The following PDE1A variants were observed in gnomAD, a reference collection of about 807,000 sequenced individuals.
PDE1A encodes phosphodiesterase 1A.
In PDE1A, 35 loss-of-function variants were observed where a neutral mutation model predicts 61.7. That is an observed-to-expected ratio of 0.57 (90% CI 0.43 to 0.75). PDE1A has a LOEUF of 0.75. Ranked by LOEUF, PDE1A falls within the 30% of genes least tolerant of loss-of-function variation. The pLI, the probability that PDE1A is intolerant of heterozygous loss-of-function variation, is 0.00. For missense variants in PDE1A, 597 were observed against 630.6 expected, an observed-to-expected ratio of 0.95 and a Z score of 0.57; for synonymous variants, 232 against 213.2, an observed-to-expected ratio of 1.09 and a Z score of -0.77.
At chr2:182,333,707 G>A (rs1276401160) in intron 1 of PDE1A, among the ~76,000 whole-genome samples, 15 of 152,080 alleles carry the variant, frequency 9.9e-5, no homozygotes, top group Non-Finnish European at 7.3e-5. Flanking sequence ...AAAGCTAGCA[G>A]AAGACAAGAA....
At chr2:182,417,592 G>T (rs563311783) in intron 1 of PDE1A, among the ~76,000 whole-genome samples, 1 of 152,184 alleles carries the variant, frequency 6.6e-6, no homozygotes, top group African/African-American at 2.4e-5. Flanking sequence ...TTCATATTCA[G>T]AAGTCCACTG....
chr2:182,333,175 A>C (rs767027329), intron 1 of PDE1A, among the ~76,000 whole-genome samples: 34 of 152,178 alleles, frequency 2.2e-4, no homozygotes, highest in Non-Finnish European at 4.4e-4. Flanking sequence ...GATCAACGAG[A>C]CAGAAAATTA....
chr2:182,155,718 C>T (rs923619403), intron 13 of PDE1A, among the ~76,000 whole-genome samples: 1 of 152,096 alleles, frequency 6.6e-6, no homozygotes, highest in African/African-American at 2.4e-5. Context: ...GGAGAAACCC[C>T]GTCTCTACTA....
At chr2:182,402,263 G>T (rs1574562721) in intron 1 of PDE1A, among the ~76,000 whole-genome samples, 2 of 152,144 alleles carry the variant, frequency 1.3e-5, no homozygotes, top group Non-Finnish European at 2.9e-5. Flanking sequence ...TATGCTACCT[G>T]ACTTCAAACT....
At chr2:182,209,434 G>C (rs1687393027) in intron 7 of PDE1A, among the ~76,000 whole-genome samples, 1 of 151,848 alleles carries the variant, frequency 6.6e-6, no homozygotes, top group Admixed American at 6.6e-5. Flanking sequence ...TTGGATGAGA[G>C]ACACAGAGCC....
At chr2:182,527,422 G>T (rs1381923061), upstream of PDE1A, among the ~76,000 whole-genome samples, 1 of 134,398 alleles carries the variant, frequency 7.4e-6, no homozygotes, top group African/African-American at 2.8e-5. Context: ...GCCAGGCATG[G>T]TAGTGTGTGC....
intron 1 of PDE1A, among the ~76,000 whole-genome samples, chr2:182,383,651 T>A (rs1700863263): frequency 6.6e-6 from 1 of 151,816 alleles, no homozygotes; most frequent in African/African-American, 2.4e-5. Flanking sequence ...AACAAAAACA[T>A]CAATTTGGAA....
the PDE1A span, among the ~76,000 whole-genome samples, chr2:182,541,932 T>G: frequency 1.3e-5 from 2 of 152,176 alleles, no homozygotes; most frequent in Non-Finnish European, 2.9e-5. Context: ...CAGGAAAGAC[T>G]GGCTTAAGGA....
the PDE1A span, among the ~76,000 whole-genome samples, chr2:182,618,273 G>A: frequency 0.4 from 60,684 of 152,008 alleles, 13,582 homozygotes; most frequent in East Asian, 0.58. Flanking sequence ...ATAAATTTTC[G>A]ATTTGGCCAA....
chr2:182,445,772 T>G (rs934473212), intron 2 of PDE1A, among the ~76,000 whole-genome samples: 8 of 152,130 alleles, frequency 5.3e-5, no homozygotes, highest in Non-Finnish European at 1.0e-4. Context: ...TATTGAAGCT[T>G]AAAAATACTT....
At chr2:182,319,684 C>T (rs929877336) in intron 1 of PDE1A, among the ~76,000 whole-genome samples, 4 of 152,134 alleles carry the variant, frequency 2.6e-5, no homozygotes, top group African/African-American at 9.7e-5. Context: ...CTAGCTGGCT[C>T]ATTTGTATCT....
chr2:182,294,814 A>T (rs1694765915), intron 1 of PDE1A, among the ~76,000 whole-genome samples: 1 of 152,136 alleles, frequency 6.6e-6, no homozygotes, highest in African/African-American at 2.4e-5. Flanking sequence ...TAAAGACGAA[A>T]GGGTGTTTAC....
chr2:182,354,023 C>G (rs1192894089), intron 1 of PDE1A, among the ~76,000 whole-genome samples: 1 of 152,056 alleles, frequency 6.6e-6, no homozygotes, highest in Non-Finnish European at 1.5e-5. Flanking sequence ...ACCAAATTGT[C>G]AACCACACTT....
At chr2:182,242,832 C>G (rs1690624500) in intron 2 of PDE1A, among the ~76,000 whole-genome samples, 1 of 151,922 alleles carries the variant, frequency 6.6e-6, no homozygotes. Context: ...ATCACATGAG[C>G]CCATTCCTTA....
chr2:182,267,363 C>T (rs1692702947), intron 1 of PDE1A, among the ~76,000 whole-genome samples: 1 of 151,920 alleles, frequency 6.6e-6, no homozygotes, highest in Admixed American at 6.6e-5. Flanking sequence ...GGTTTTACCA[C>T]CCAATTAGAA....
chr2:182,512,616 C>T (rs1689875764), intron 2 of PDE1A, among the ~76,000 whole-genome samples: 1 of 152,154 alleles, frequency 6.6e-6, no homozygotes, highest in South Asian at 2.1e-4. Context: ...GTTGAAATGA[C>T]AGACACAGAG....
At chr2:182,231,281 C>T (rs1173606912) in intron 4 of PDE1A, 150 bp from the exon 5 acceptor site, 1 of 616,602 alleles carries the variant, frequency 1.6e-6, no homozygotes, top group Non-Finnish European at 2.9e-6. Context: ...TAGGACAGGA[C>T]CACTTAGTAT....
chr2:182,403,995 A>G (rs1396067492), intron 1 of PDE1A, among the ~76,000 whole-genome samples: 2 of 152,142 alleles, frequency 1.3e-5, no homozygotes, highest in Non-Finnish European at 2.9e-5. Flanking sequence ...AAAATAAAAT[A>G]AAATAAAAGG....
chr2:182,522,859 A>G (rs1574854553), upstream of PDE1A: 1 of 163,144 alleles, frequency 6.1e-6, no homozygotes, highest in Non-Finnish European at 1.3e-5. Context: ...AACAGATGGT[A>G]GGAGCCAGTA....
Sources: allele counts gnomAD v4.1 joint callset (sites outside exome capture counted in the v4.1 genomes callset), GRCh38; gene constraint gnomAD v4.1.1; transcripts MANE v1.5; gene names NCBI Gene and HGNC (gene_info 2026-07-23, HGNC 2026-07-21).